Variants in SAMD5 observed in about 807,000 individuals in gnomAD.
SAMD5 encodes the protein sterile alpha motif domain-containing protein 5.
Under a neutral mutation model 11.3 loss-of-function variants are expected in SAMD5, and 13 were observed. That is an observed-to-expected ratio of 1.15 (90% CI 0.75 to 1.83). The LOEUF is 1.83. Ranked by LOEUF, SAMD5 falls within the 40% of genes most tolerant of loss-of-function variation. The pLI is 0.00. For missense variants in SAMD5, 255 were observed against 239.1 expected (o/e 1.07, Z -0.44); for synonymous variants, 129 against 111.3 (o/e 1.16, Z -1.00).
the SAMD5 span, among the ~76,000 whole-genome samples, chr6:147,942,066 G>A: frequency 6.6e-6 from 1 of 152,024 alleles, no homozygotes; most frequent in African/African-American, 2.4e-5. Flanking sequence ...TAGAGACAGG[G>A]TTTCACCATG....
the SAMD5 span, among the ~76,000 whole-genome samples, chr6:147,891,194 G>C: frequency 3.9e-5 from 6 of 152,198 alleles, no homozygotes; most frequent in African/African-American, 9.7e-5. Flanking sequence ...GGGAGGAAGG[G>C]AAAAGGGGAG....
intron 1 of SAMD5, among the ~76,000 whole-genome samples, chr6:147,694,708 T>C (rs1048908164): frequency 2.0e-5 from 3 of 152,090 alleles, no homozygotes; most frequent in African/African-American, 7.2e-5. Context: ...TCCCAGCTAC[T>C]CAGGAGGCTG....
At chr6:147,859,529 C>T in the SAMD5 span, among the ~76,000 whole-genome samples, 2 of 152,132 alleles carry the variant, frequency 1.3e-5, no homozygotes, top group Non-Finnish European at 2.9e-5. Context: ...TAAGTTGACA[C>T]GTGAGTAGGC....
chr6:147,885,862 C>T, the SAMD5 span, among the ~76,000 whole-genome samples: 1 of 152,132 alleles, frequency 6.6e-6, no homozygotes, highest in Admixed American at 6.5e-5. Context: ...CTTTTTTGCT[C>T]TGTGGGCAGC....
the SAMD5 span, among the ~76,000 whole-genome samples, chr6:147,744,062 A>G: frequency 6.6e-6 from 1 of 152,252 alleles, no homozygotes; most frequent in African/African-American, 2.4e-5. Context: ...TGTATGGAAT[A>G]GTCAAACTCA....
At chr6:147,631,750 G>T (rs551147251) in intron 1 of SAMD5, among the ~76,000 whole-genome samples, 5 of 152,136 alleles carry the variant, frequency 3.3e-5, no homozygotes, top group Admixed American at 6.5e-5. Flanking sequence ...AAGTCAATTT[G>T]CCAGTCCTGG....
At chr6:147,677,824 A>G (rs541162143) in intron 1 of SAMD5, among the ~76,000 whole-genome samples, 22 of 152,142 alleles carry the variant, frequency 1.4e-4, no homozygotes, top group Non-Finnish European at 2.6e-4. Context: ...GCCCAACCAA[A>G]AAGTGAGCAA....
chr6:147,771,325 T>C, the SAMD5 span, among the ~76,000 whole-genome samples: 2 of 152,342 alleles, frequency 1.3e-5, no homozygotes, highest in South Asian at 4.1e-4. Flanking sequence ...ACATCCCTAC[T>C]GACTGCTAAA....
chr6:147,796,722 T>G, the SAMD5 span, among the ~76,000 whole-genome samples: 1 of 152,132 alleles, frequency 6.6e-6, no homozygotes, highest in Admixed American at 6.5e-5. Context: ...TTCCATTTGT[T>G]TGTATCCTCT....
the SAMD5 span, among the ~76,000 whole-genome samples, chr6:147,782,357 G>A: frequency 1.3e-5 from 2 of 152,126 alleles, no homozygotes; most frequent in East Asian, 1.9e-4. Flanking sequence ...CATCTATCCC[G>A]TATAAATGGT....
At chr6:147,892,964 G>A in the SAMD5 span, among the ~76,000 whole-genome samples, 1 of 152,136 alleles carries the variant, frequency 6.6e-6, no homozygotes, top group East Asian at 1.9e-4. Context: ...TGTAATCTCA[G>A]CACTTTTGAA....
the SAMD5 span, among the ~76,000 whole-genome samples, chr6:147,749,325 A>G: frequency 1.3e-5 from 2 of 151,858 alleles, no homozygotes; most frequent in African/African-American, 4.8e-5. Flanking sequence ...GCCCACCACT[A>G]TGCCTGGCTA....
chr6:147,680,832 T>C (rs886128959), intron 1 of SAMD5, among the ~76,000 whole-genome samples: 1 of 152,162 alleles, frequency 6.6e-6, no homozygotes, highest in East Asian at 1.9e-4. Context: ...AACCTTGCAT[T>C]CCTGGGTAAA....
chr6:147,862,199 C>A, the SAMD5 span, among the ~76,000 whole-genome samples: 7 of 151,848 alleles, frequency 4.6e-5, no homozygotes, highest in Non-Finnish European at 8.8e-5. Flanking sequence ...TATCTAAGTG[C>A]CCTGGAAATC....
chr6:147,943,210 T>A, the SAMD5 span, among the ~76,000 whole-genome samples: 1 of 152,216 alleles, frequency 6.6e-6, no homozygotes, highest in African/African-American at 2.4e-5. Flanking sequence ...AAATACTGTA[T>A]GTGCACGAAC....
At chr6:147,638,402 T>C (rs1374394756) in intron 1 of SAMD5, among the ~76,000 whole-genome samples, 2 of 152,226 alleles carry the variant, frequency 1.3e-5, no homozygotes, top group Non-Finnish European at 2.9e-5. Context: ...GGCAATTTGA[T>C]TTTGTTTTAA....
the SAMD5 span, among the ~76,000 whole-genome samples, chr6:147,937,607 GA>G: frequency 1.3e-5 from 2 of 152,142 alleles, no homozygotes; most frequent in African/African-American, 4.8e-5. Context: ...GACTCGCTAG[GA>G]AAAAGAATTA....
At chr6:147,623,744 G>A (rs1247368012) in intron 1 of SAMD5, among the ~76,000 whole-genome samples, 1 of 152,224 alleles carries the variant, frequency 6.6e-6, no homozygotes, top group Non-Finnish European at 1.5e-5. Flanking sequence ...TTACATTTAA[G>A]TAAGACTGAG....
intron 1 of SAMD5, among the ~76,000 whole-genome samples, chr6:147,722,456 T>A (rs997217442): frequency 1.3e-5 from 2 of 152,200 alleles, no homozygotes; most frequent in African/African-American, 4.8e-5. Context: ...CACAAGCAAT[T>A]TCCTCTACTG....
Sources: allele counts gnomAD v4.1 joint callset (sites outside exome capture counted in the v4.1 genomes callset), GRCh38; gene constraint gnomAD v4.1.1; transcripts MANE v1.5; gene names NCBI Gene and HGNC (gene_info 2026-07-23, HGNC 2026-07-21).